Variants in ZZEF1 observed in about 807,000 individuals in gnomAD.
The protein encoded by ZZEF1 is zinc finger ZZ-type and EF-hand domain-containing protein 1.
Under a neutral mutation model 342.8 loss-of-function variants are expected in ZZEF1, and 157 were observed. The ratio of observed to expected loss-of-function variants is 0.46; its 90% CI spans 0.40 to 0.52. ZZEF1 has a LOEUF of 0.52. Among genes scored for constraint, ZZEF1 ranks in the 20% least tolerant of loss-of-function variants. ZZEF1 has a pLI of 0.00. For missense variants in ZZEF1, 3,480 were observed against 3,725.6 expected (o/e 0.93, Z 1.72); for synonymous variants, 1,505 against 1,429.1 (o/e 1.05, Z -1.20).
At chr17:4,073,871 C>G (rs2057557019) in intron 24 of ZZEF1, among the ~76,000 whole-genome samples, 1 of 151,990 alleles carries the variant, frequency 6.6e-6, no homozygotes, top group African/African-American at 2.4e-5. Context: ...ATACCTACAC[C>G]TACTTGCAAA....
At chr17:4,087,783 A>ACACACAC (rs58500122) in intron 13 of ZZEF1, among the ~76,000 whole-genome samples, 5 of 145,990 alleles carry the variant, frequency 3.4e-5, no homozygotes, top group Non-Finnish European at 7.5e-5. Context: ...ATATACACAC[A>ACACACAC]ACACACACAC....
intron 1 of ZZEF1, among the ~76,000 whole-genome samples, chr17:4,137,960 T>C (rs1351452728): frequency 1.3e-5 from 2 of 152,032 alleles, no homozygotes; most frequent in South Asian, 2.1e-4. Flanking sequence ...AAAGGAGGTG[T>C]CCCACTAGCC....
intron 15 of ZZEF1, 70 bp downstream of exon 15, chr17:4,086,416 T>A (rs765225006): frequency 1.2e-5 from 18 of 1,538,268 alleles, no homozygotes; most frequent in Admixed American, 1.8e-5. Context: ...GACAGCCCTC[T>A]TCTCTATAGC....
rs752171637 is a variant in ZZEF1, at chr17:4,067,180, C to T, written c.4138G>A (p.Gly1380Arg). 6.2e-7 allele frequency: 1 copy of T among 1,612,836 alleles called. No homozygotes were observed. Among genetic ancestry groups the T allele is most frequent in the East Asian group, 2.2e-5 (1 of 44,778 alleles). The change falls in exon 27 of 55, where the codon GGG (glycine) becomes AGG (arginine). Residue 1380 changes from glycine (G) to arginine (R), a missense_variant. This residue lies in a region of ZZEF1 where 1,528 missense variants were observed against 1,624.1 expected (regional missense o/e 0.94). Coordinates refer to ENST00000381638, the MANE Select transcript of ZZEF1 (RefSeq NM_015113.4). ...EFAQVYSLAD[G>R]IRIWMLEMKQ... ...AATCTTACCATCCATATTCGAATCCCATCTGCCAAGGAATAAACCTGGGCA... is the reference window on the plus strand; with the variant it reads ...AATCTTACCATCCATATTCGAATCCTATCTGCCAAGGAATAAACCTGGGCA...
At chr17:4,140,637 G>A (rs2145632535) in intron 1 of ZZEF1, among the ~76,000 whole-genome samples, 1 of 152,194 alleles carries the variant, frequency 6.6e-6, no homozygotes, top group Middle Eastern at 3.4e-3. Flanking sequence ...GTGATTTCTG[G>A]ACCACACCTC....
At chr17:4,092,994 A>T (rs1276425914) in intron 11 of ZZEF1, among the ~76,000 whole-genome samples, 1 of 151,906 alleles carries the variant, frequency 6.6e-6, no homozygotes, top group Non-Finnish European at 1.5e-5. Flanking sequence ...AAATGCATGC[A>T]CATTAATATT....
intron 25 of ZZEF1, among the ~76,000 whole-genome samples, chr17:4,072,130 G>A (rs74688601): frequency 2.9e-3 from 435 of 152,184 alleles, no homozygotes; most frequent in African/African-American, 0.01. Flanking sequence ...ACTGAATAAC[G>A]TGGGGCAGGG....
At chr17:4,039,178 T>C (rs1478404022) in intron 39 of ZZEF1, among the ~76,000 whole-genome samples, 1 of 151,470 alleles carries the variant, frequency 6.6e-6, no homozygotes, top group Non-Finnish European at 1.5e-5. Flanking sequence ...ATTCAAGGGG[T>C]CCATCCTGGC....
intron 1 of ZZEF1, among the ~76,000 whole-genome samples, chr17:4,131,673 G>T (rs963355691): frequency 1.3e-5 from 2 of 151,986 alleles, no homozygotes; most frequent in South Asian, 2.1e-4. Context: ...CCAGCTAGTC[G>T]AGAGGCTGAG....
Position 4,142,716 on chromosome 17 carries a change from A to C in ZZEF1, c.180T>G (p.Ala60=), listed in dbSNP as rs757938913. Residue 60 remains alanine (A), a synonymous_variant, in exon 1 of 55, where the codon GCT becomes GCG. Coordinates refer to ENST00000381638, the MANE Select transcript of ZZEF1 (RefSeq NM_015113.4). ...LLEPARLREA[A]AALLPTPPCE... is the part of the protein sequence containing the mutation. ...AGGGGGGTGTGGGCAGCAACGCTGC[A>C]GCAGCCTCTCGCAGCCTGGCCGGCT... 19 of 1,580,792 alleles carry C rather than the reference A, an allele frequency of 1.2e-5. No homozygotes were observed. The highest frequency in any genetic ancestry group is 1.7e-4 in the Middle Eastern group (1 of 6,012).
intron 1 of ZZEF1, among the ~76,000 whole-genome samples, chr17:4,132,767 C>T (rs1398867855): frequency 2.6e-5 from 3 of 114,396 alleles, no homozygotes; most frequent in African/African-American, 7.9e-5. Flanking sequence ...GAGATCAAGA[C>T]CATCCTGGCT....
intron 30 of ZZEF1, among the ~76,000 whole-genome samples, chr17:4,061,757 C>T (rs1342662700): frequency 6.6e-6 from 1 of 152,110 alleles, no homozygotes; most frequent in Admixed American, 6.5e-5. Flanking sequence ...AACCGTAAGT[C>T]CTGACAACTC....
In ZZEF1 at chr17:4,062,784, C is replaced by T. The variant is rs2057311808; in HGVS notation, c.4852G>A (p.Glu1618Lys). 6.2e-7 allele frequency: 1 copy of T among 1,611,006 alleles called. No individual in the cohort carries two copies. Among genetic ancestry groups the T allele is most frequent in the Non-Finnish European group, 8.5e-7 (1 of 1,178,516 alleles). Residue 1618 changes from glutamate (E) to lysine (K), a missense_variant, in exon 30 of 55, where the codon GAA becomes AAA. Physicochemically the swap from Glu to Lys is moderately conservative, Grantham distance 56. Around this residue, in one of 5 missense-constraint regions of ZZEF1, gnomAD observed 1,528 missense variants for 1,624.1 expected, o/e 0.94. Transcript: ENST00000381638. ...FHPPFILFLLELLTCQKDFTN... is the reference protein window; with the variant it reads ...FHPPFILFLLKLLTCQKDFTN... ...AAATCTTTCTGACAGGTCAGAAGTT[C>T]CAACAGGAAAAGTATGAAAGGTGGA...
chr17:4,018,054 C>T, intron 46 of ZZEF1, 83 bp from the exon 47 acceptor site: 1 of 1,552,582 alleles, frequency 6.4e-7, no homozygotes, highest in Admixed American at 1.7e-5. Flanking sequence ...TGGCAATGTT[C>T]TTCAGAGTTG....
chr17:4,025,179 G>A, intron 42 of ZZEF1, 61 bp from the exon 43 acceptor site: 4 of 1,509,344 alleles, frequency 2.7e-6, no homozygotes, highest in Non-Finnish European at 3.7e-6. Context: ...GCTTCCAGCA[G>A]CTATTTCTTC....
At chr17:4,092,076 CAA>C (rs764233105) in intron 11 of ZZEF1, among the ~76,000 whole-genome samples, 1 of 29,658 alleles carries the variant, frequency 3.4e-5, no homozygotes, top group African/African-American at 1.0e-4. Context: ...AACTCCACCT[CAA>C]AAAAAAAAAA....
chr17:4,067,387 G>GA, intron 26 of ZZEF1, 145 bp from the exon 27 acceptor site: 1 of 495,886 alleles, frequency 2.0e-6, no homozygotes, highest in Non-Finnish European at 3.4e-6. Flanking sequence ...GAGACTCAGG[G>GA]AAAAAAATAT....
In ZZEF1 at chr17:4,006,941, C is replaced by G. The variant is rs758316931; in HGVS notation, c.8835G>C (p.Leu2945=). The change falls in exon 55 of 55, where the codon CTG becomes CTC. Residue 2945 remains leucine, a synonymous_variant. Transcript: ENST00000381638. The part of the protein sequence containing the change: ...QALQNIAAIS[L]AINYPNKATR... ...TGGCCTTGTTTGGGTAGTTGATGGC[C>G]AGGCTGATGGCAGCAATGTTCTGCA... The G allele has an allele frequency of 1.9e-6, 3 of 1,579,996 alleles. No individual in the cohort carries two copies. The African/African-American group carries it at 4.0e-5, about 21-fold the overall frequency.
chr17:4,013,526 C>T lies in ZZEF1; in HGVS notation c.8502G>A (p.Val2834=), dbSNP rs1255280330. 1 of 1,614,040 alleles carries T rather than the reference C, an allele frequency of 6.2e-7. No homozygotes were observed. Among genetic ancestry groups the T allele is most frequent in the Non-Finnish European group, 8.5e-7 (1 of 1,180,016 alleles). Residue 2834 remains valine, a synonymous_variant, in exon 52 of 55, where the codon GTG becomes GTA. Transcript: ENST00000381638. ...GTTGATGGCCAGTCTGGCGACAGGC[C>T]ACGCCCACCAGCCATTCCCAAATTT... ...LAKIWEWLVG[V]ACRQTGHQRL... is the part of the protein sequence containing the mutation.
Sources: allele counts gnomAD v4.1 joint callset (sites outside exome capture counted in the v4.1 genomes callset), GRCh38; gene constraint gnomAD v4.1.1; regional missense constraint gnomAD v4.1.1; transcripts MANE v1.5; gene names NCBI Gene and HGNC (gene_info 2026-07-23, HGNC 2026-07-21).